The following GTF2E2 variants were observed in gnomAD, a reference collection of about 807,000 sequenced individuals.
The protein encoded by GTF2E2 is general transcription factor IIE subunit 2.
Under a neutral mutation model 40.5 loss-of-function variants are expected in GTF2E2, and 21 were observed. The observed-to-expected ratio is 0.52, with a 90% CI of 0.37 to 0.75. The LOEUF (loss-of-function observed/expected upper bound fraction) is 0.75, where lower values mean the gene tolerates loss of function less well. Among genes scored for constraint, GTF2E2 ranks in the 30% least tolerant of loss-of-function variants. The probability of loss-of-function intolerance (pLI) is 0.00; values close to 1 mark genes in which losing one functional copy is unlikely to be tolerated. For missense variants in GTF2E2, 298 were observed against 338.4 expected (o/e 0.88, Z 0.94); for synonymous variants, 117 against 121.6 (o/e 0.96, Z 0.25).
chr8:30,618,445 C>T (rs907873619), intron 3 of GTF2E2, among the ~76,000 whole-genome samples: 1 of 152,206 alleles, frequency 6.6e-6, no homozygotes, highest in South Asian at 2.1e-4. Flanking sequence ...AATCCTGAGG[C>T]GGGCCTGGGA....
chr8:30,645,800 T>C lies in GTF2E2; in HGVS notation c.166+7633A>G, dbSNP rs1802054330. On this transcript the variant is annotated intron_variant, in intron 2 of 7. Coordinates refer to ENST00000355904, the MANE Select transcript of GTF2E2 (RefSeq NM_002095.6). Reference sequence around the variant, plus strand: ...TAAATATACAGTAAAACTTCATGAATGTGAATTTACTAATCTGTTTAATAC... The same window carrying C: ...TAAATATACAGTAAAACTTCATGAACGTGAATTTACTAATCTGTTTAATAC... 6 of 545,702 alleles carry C rather than the reference T, an allele frequency of 1.1e-5. No homozygotes were observed. In the Admixed American group the frequency reaches 1.4e-4, roughly 12 times the overall value. 33.8% of individuals were successfully genotyped at this position (545,702 alleles called of 1,614,324 possible).
chr8:30,629,435 C>T (rs1293690644), intron 3 of GTF2E2, among the ~76,000 whole-genome samples: 1 of 151,998 alleles, frequency 6.6e-6, no homozygotes, highest in African/African-American at 2.4e-5. Context: ...GCCTGTAATC[C>T]CAGCACTTTG....
intron 3 of GTF2E2, among the ~76,000 whole-genome samples, chr8:30,615,660 C>T (rs139101000): frequency 3.9e-5 from 6 of 152,230 alleles, no homozygotes; most frequent in Admixed American, 1.3e-4. Context: ...CACACACACA[C>T]GTAGATACCA....
rs1275069225 is a variant in GTF2E2 at position 30,580,355 on chromosome 8, C to G, written c.685G>C (p.Asp229His). ...AGATATTCTTCAATTTTCTCCTCGT[C>G]CATGGAATCTACAGTGACACTCCTC... ...LWRSVTVDSM[D>H]EEKIEEYLKR... The change falls in exon 7 of 8, where the codon GAC becomes CAC. Residue 229 changes from aspartate to histidine, a missense_variant. By Grantham distance (81) the Asp-to-His change is moderately conservative. Transcript: ENST00000355904. 1 of 1,608,412 alleles carries G rather than the reference C, an allele frequency of 6.2e-7. No individual in the cohort carries two copies. Among genetic ancestry groups the G allele is most frequent in the Non-Finnish European group, 8.5e-7 (1 of 1,174,908 alleles).
At chr8:30,646,979 C>CAAAAA (rs56762565) in intron 2 of GTF2E2, among the ~76,000 whole-genome samples, 6 of 51,212 alleles carry the variant, frequency 1.2e-4, no homozygotes, top group Non-Finnish European at 1.6e-4. Context: ...GACTCCGTCT[C>CAAAAA]AAAAAAAAAA....
chr8:30,634,980 TC>T, intron 3 of GTF2E2, 51 bp downstream of exon 3: 1 of 986,942 alleles, frequency 1.0e-6, no homozygotes, highest in East Asian at 2.4e-5. Context: ...CTAATCTCCT[TC>T]TTTTGCCAAA....
At chr8:30,601,981 T>A (rs952775759) in intron 6 of GTF2E2, among the ~76,000 whole-genome samples, 2 of 151,986 alleles carry the variant, frequency 1.3e-5, no homozygotes, top group Non-Finnish European at 2.9e-5. Context: ...TCCATTTACA[T>A]TCTAGGGTAA....
chr8:30,614,693 G>A lies in GTF2E2; in HGVS notation c.281C>T (p.Thr94Met), dbSNP rs1585966569. 1.2e-5 allele frequency: 19 copies of A among 1,602,772 alleles called. No homozygotes were observed. The highest frequency in any genetic ancestry group is 2.2e-5 in the East Asian group (1 of 44,674). ...YMKTRHQRGD[T>M]HPLTLDEILD... ...AATTTCATCTAAGGTTAGAGGATGC[G>A]TATCTCCTCGCTGATGCCGTGTCTA... The change falls in exon 4 of 8, where the codon ACG becomes ATG. Residue 94 changes from threonine (T) to methionine (M), a missense_variant. By Grantham distance (81) the Thr-to-Met change is moderately conservative. Transcript: ENST00000355904.
intron 2 of GTF2E2, among the ~76,000 whole-genome samples, chr8:30,648,956 T>C (rs1802188374): frequency 1.3e-5 from 2 of 152,320 alleles, no homozygotes; most frequent in Admixed American, 6.5e-5. Context: ...TGGGACCTGT[T>C]TGTGGGGAAG....
chr8:30,580,608 G>A (rs747165360), intron 6 of GTF2E2, among the ~76,000 whole-genome samples: 152 of 152,148 alleles, frequency 1.0e-3, no homozygotes, highest in Non-Finnish European at 1.8e-3. Flanking sequence ...CCCCGACAGT[G>A]GGGCTGTTTC....
chr8:30,614,778 G>A, intron 3 of GTF2E2, 63 bp from the exon 4 acceptor site: 1 of 871,472 alleles, frequency 1.1e-6, no homozygotes, highest in Non-Finnish European at 1.9e-6. Context: ...TTAAATCATA[G>A]TTACATGTAA....
chr8:30,582,187 G>T (rs764600004), intron 6 of GTF2E2, among the ~76,000 whole-genome samples: 2 of 151,882 alleles, frequency 1.3e-5, no homozygotes, highest in African/African-American at 2.4e-5. Context: ...AGTTGTTTCT[G>T]GGGGGGTGGG....
intron 3 of GTF2E2, among the ~76,000 whole-genome samples, chr8:30,625,701 C>T (rs962096847): frequency 2.0e-5 from 3 of 152,120 alleles, no homozygotes; most frequent in Non-Finnish European, 2.9e-5. Context: ...AGGGTTCAGA[C>T]GATTCCTGTG....
chr8:30,580,200 A>C (rs1828475725), intron 7 of GTF2E2, 81 bp downstream of exon 7: 4 of 777,276 alleles, frequency 5.1e-6, no homozygotes, highest in East Asian at 5.1e-5. Context: ...AACAACTCCC[A>C]GCTCTTCAGA....
At chr8:30,581,872 A>G (rs1828524807) in intron 6 of GTF2E2, among the ~76,000 whole-genome samples, 1 of 152,190 alleles carries the variant, frequency 6.6e-6, no homozygotes, top group Non-Finnish European at 1.5e-5. Context: ...ACAGGTCCTC[A>G]GTGATTTGAC....
chr8:30,628,814 C>A (rs1801356823), intron 3 of GTF2E2, among the ~76,000 whole-genome samples: 1 of 152,098 alleles, frequency 6.6e-6, no homozygotes, highest in East Asian at 1.9e-4. Context: ...GCCTGTAATC[C>A]CAGCTACTTA....
intron 5 of GTF2E2, among the ~76,000 whole-genome samples, chr8:30,611,163 G>GTA (rs763132111): frequency 2.0e-5 from 3 of 152,190 alleles, no homozygotes; most frequent in Non-Finnish European, 4.4e-5. Flanking sequence ...GCTACCTGCT[G>GTA]TAGGGCAGAC....
chr8:30,615,919 C>T (rs1800905877), intron 3 of GTF2E2, among the ~76,000 whole-genome samples: 1 of 152,074 alleles, frequency 6.6e-6, no homozygotes, highest in Non-Finnish European at 1.5e-5. Context: ...CTGGAAGCAA[C>T]CAAGATGTCC....
intron 6 of GTF2E2, among the ~76,000 whole-genome samples, chr8:30,582,905 A>G (rs1052341955): frequency 4.6e-5 from 7 of 152,252 alleles, no homozygotes; most frequent in African/African-American, 1.4e-4. Flanking sequence ...TTCAGACTAT[A>G]TAAATACCGT....
Sources: allele counts gnomAD v4.1 joint callset (sites outside exome capture counted in the v4.1 genomes callset), GRCh38; gene constraint gnomAD v4.1.1; transcripts MANE v1.5; gene names NCBI Gene and HGNC (gene_info 2026-07-23, HGNC 2026-07-21).